The following CTNNA3 variants were observed in gnomAD, a reference collection of about 807,000 sequenced individuals.
CTNNA3 encodes catenin alpha-3.
In CTNNA3, 76 loss-of-function variants were observed where a neutral mutation model predicts 95.7. The observed-to-expected ratio is 0.79, with a 90% CI of 0.66 to 0.96. The LOEUF is 0.96. Among genes scored for constraint, CTNNA3 ranks in the 40% least tolerant of loss-of-function variants. CTNNA3 has a pLI of 0.00. For missense variants in CTNNA3, 1,191 were observed against 1,089.8 expected (o/e 1.09, Z -1.31); for synonymous variants, 431 against 374.4 (o/e 1.15, Z -1.74).
intron 9 of CTNNA3, among the ~76,000 whole-genome samples, chr10:66,704,556 T>C (rs929313896): frequency 6.6e-6 from 1 of 152,180 alleles, no homozygotes; most frequent in African/African-American, 2.4e-5. Context: ...TTTATGAGTG[T>C]GCCTGCATAG....
At chr10:66,288,725 G>T (rs79774580) in intron 12 of CTNNA3, among the ~76,000 whole-genome samples, 1 of 152,124 alleles carries the variant, frequency 6.6e-6, no homozygotes, top group African/African-American at 2.4e-5. Context: ...TCAATTATTT[G>T]TGAAGCACCT....
intron 17 of CTNNA3, among the ~76,000 whole-genome samples, chr10:65,960,482 G>A (rs2077820652): frequency 1.3e-5 from 2 of 151,916 alleles, no homozygotes; most frequent in Admixed American, 1.3e-4. Context: ...CCGAGATCAC[G>A]CCACTGCACT....
At chr10:66,458,671 T>C (rs931522770) in intron 11 of CTNNA3, among the ~76,000 whole-genome samples, 2 of 152,208 alleles carry the variant, frequency 1.3e-5, no homozygotes, top group Non-Finnish European at 2.9e-5. Context: ...ATTAGTAGAA[T>C]CAGACAATAT....
rs375629821 is a variant in CTNNA3, at chr10:66,130,582, C to T, written c.1885-27333G>A. ...AGAATCGGCCGGGCACTGTGGCTCA[C>T]GCCTGTAATCCCAGCACTTTAGGAA... is the stretch of plus-strand genomic sequence containing the variant. On this transcript the variant is annotated intron_variant, in intron 13 of 17. Transcript: ENST00000433211. 7.9e-5 allele frequency among the ~76,000 whole-genome samples: 12 copies of T among 152,116 alleles called. No individual in the cohort carries two copies. The South Asian group carries it at 1.2e-3, about 16-fold the overall frequency.
At chr10:67,419,515 C>T (rs995208169) in intron 5 of CTNNA3, among the ~76,000 whole-genome samples, 1 of 152,148 alleles carries the variant, frequency 6.6e-6, no homozygotes, top group African/African-American at 2.4e-5. Flanking sequence ...CAGCCCACTT[C>T]ACCCTCTAGT....
intron 7 of CTNNA3, among the ~76,000 whole-genome samples, chr10:66,948,861 T>C (rs1369365633): frequency 1.3e-5 from 2 of 152,234 alleles, no homozygotes; most frequent in Admixed American, 6.5e-5. Flanking sequence ...CAGTGAAATG[T>C]TCTTTTCAGT....
chr10:66,481,423 G>A (rs1202590730), intron 11 of CTNNA3, among the ~76,000 whole-genome samples: 1 of 148,616 alleles, frequency 6.7e-6, no homozygotes, highest in African/African-American at 2.5e-5. Flanking sequence ...TAGGTATTGG[G>A]TATACAGAAA....
chr10:67,580,016 C>G (rs1842324318), intron 3 of CTNNA3, among the ~76,000 whole-genome samples: 1 of 152,176 alleles, frequency 6.6e-6, no homozygotes, highest in African/African-American at 2.4e-5. Flanking sequence ...CCTGTTCACT[C>G]TGATGGTAGT....
rs1240827890 is a variant in CTNNA3 at position 67,671,712 on chromosome 10, G to C, written c.-5-24194C>G. Among the ~76,000 whole-genome samples the C allele has an allele frequency of 4.8e-3, 732 of 151,732 alleles. 4 individuals carry two copies. The highest frequency in any genetic ancestry group is 0.016 in the African/African-American group (673 of 41,158). On this transcript the variant is annotated intron_variant, in intron 1 of 17. Coordinates refer to ENST00000433211, the MANE Select transcript of CTNNA3 (RefSeq NM_013266.4). ...ACTCATCATTTTTTATGGCTGCATAGTATTCCATGGTGTATATGTGCCACA... is the reference window on the plus strand; with the variant it reads ...ACTCATCATTTTTTATGGCTGCATACTATTCCATGGTGTATATGTGCCACA...
chr10:67,040,308 C>T (rs1391383610), intron 7 of CTNNA3, among the ~76,000 whole-genome samples: 4 of 152,046 alleles, frequency 2.6e-5, no homozygotes, highest in Non-Finnish European at 5.9e-5. Flanking sequence ...CATTTTCTCA[C>T]AGATAAATAG....
chr10:66,616,908 G>C (rs1844536042), intron 10 of CTNNA3, among the ~76,000 whole-genome samples: 1 of 151,612 alleles, frequency 6.6e-6, no homozygotes, highest in Non-Finnish European at 1.5e-5. Flanking sequence ...TTAAAAATAA[G>C]ACACACCATA....
intron 1 of CTNNA3, among the ~76,000 whole-genome samples, chr10:67,671,853 A>G (rs1393418005): frequency 6.6e-6 from 1 of 152,062 alleles, no homozygotes; most frequent in Non-Finnish European, 1.5e-5. Context: ...AGCATGATTT[A>G]TAATCCTTTG....
chr10:66,307,494 G>T (rs2091950414), intron 12 of CTNNA3, among the ~76,000 whole-genome samples: 1 of 152,162 alleles, frequency 6.6e-6, no homozygotes, highest in South Asian at 2.1e-4. Flanking sequence ...ATTAGAATAT[G>T]TAAGTGGCTC....
chr10:67,443,090 C>G (rs1846593355), intron 5 of CTNNA3, among the ~76,000 whole-genome samples: 2 of 149,854 alleles, frequency 1.3e-5, no homozygotes, highest in South Asian at 4.3e-4. Flanking sequence ...ATGATGATTT[C>G]CAATTTCATC....
At chr10:65,931,531 G>A (rs1229066497) in intron 17 of CTNNA3, among the ~76,000 whole-genome samples, 1 of 148,818 alleles carries the variant, frequency 6.7e-6, no homozygotes, top group South Asian at 2.2e-4. Context: ...TCTCAGATGT[G>A]AGGCATAGAA....
chr10:66,660,578 T>C (rs186994725), intron 9 of CTNNA3, among the ~76,000 whole-genome samples: 2 of 152,320 alleles, frequency 1.3e-5, no homozygotes, highest in African/African-American at 4.8e-5. Flanking sequence ...GATAAGAAAG[T>C]ATGAATGCAT....
At chr10:67,546,906 C>T (rs879610659) in intron 3 of CTNNA3, among the ~76,000 whole-genome samples, 54 of 152,142 alleles carry the variant, frequency 3.5e-4, no homozygotes, top group Admixed American at 2.8e-3. Context: ...AAACTGATAT[C>T]TTTGCTTTTT....
At chr10:67,440,316 T>C (rs1310940791) in intron 5 of CTNNA3, among the ~76,000 whole-genome samples, 3 of 152,166 alleles carry the variant, frequency 2.0e-5, no homozygotes, top group Non-Finnish European at 2.9e-5. Context: ...CAAGCTCAGA[T>C]GCAGTAAAAC....
At chr10:67,027,211 A>G (rs1364008041) in intron 7 of CTNNA3, among the ~76,000 whole-genome samples, 1 of 152,108 alleles carries the variant, frequency 6.6e-6, no homozygotes, top group African/African-American at 2.4e-5. Context: ...CAAAAGGAGG[A>G]GAGATGAGGA....
Sources: allele counts gnomAD v4.1 joint callset (sites outside exome capture counted in the v4.1 genomes callset), GRCh38; gene constraint gnomAD v4.1.1; transcripts MANE v1.5; gene names NCBI Gene and HGNC (gene_info 2026-07-23, HGNC 2026-07-21).